Variants in ROBO2 observed in about 807,000 individuals in gnomAD.
ROBO2 encodes the protein roundabout guidance receptor 2.
A neutral mutation model predicts 160.8 loss-of-function variants in ROBO2; 53 were observed. The observed-to-expected ratio is 0.33, with a 90% CI of 0.26 to 0.41. ROBO2 has a LOEUF of 0.41. Ranked by LOEUF, ROBO2 falls within the 10% of genes least tolerant of loss-of-function variation. The pLI is 1.00. For synonymous variants in ROBO2, 664 were observed against 611.7 expected, an observed-to-expected ratio of 1.09 and a Z score of -1.26; for missense variants, 1,577 against 1,722.4, an observed-to-expected ratio of 0.92 and a Z score of 1.49.
At chr3:77,215,386 T>C (rs922690178) in intron 2 of ROBO2, among the ~76,000 whole-genome samples, 1 of 152,230 alleles carries the variant, frequency 6.6e-6, no homozygotes, top group African/African-American at 2.4e-5. Context: ...TACTGAGGCT[T>C]GTGCATTCAT....
At chr3:77,200,308 T>C (rs1374901926) in intron 2 of ROBO2, among the ~76,000 whole-genome samples, 2 of 87,890 alleles carry the variant, frequency 2.3e-5, no homozygotes, top group African/African-American at 1.1e-4. Flanking sequence ...TATATATATA[T>C]ATATATATAT....
At chr3:77,456,099 T>TTCATATG (rs1225317241) in intron 2 of ROBO2, among the ~76,000 whole-genome samples, 2 of 152,324 alleles carry the variant, frequency 1.3e-5, no homozygotes, top group East Asian at 3.9e-4. Context: ...TATTTAATAC[T>TTCATATG]GTAGTATGAA....
intron 2 of ROBO2, among the ~76,000 whole-genome samples, chr3:77,101,009 G>A (rs2071841709): frequency 6.6e-6 from 1 of 152,170 alleles, no homozygotes. Context: ...ATGAGGTTGA[G>A]AGCAGAGTAA....
In ROBO2 at chr3:77,520,735, G is replaced by A. The variant is rs192508327; in HGVS notation, c.807-2040G>A. On this transcript the variant is annotated intron_variant, in intron 5 of 25. Transcript: ENST00000461745. ...GAATTGGAAATGGCTGCAAAATACA[G>A]TATTTAAATGTTTCTATCTTACAGC... 1.3e-4 allele frequency among the ~76,000 whole-genome samples: 20 copies of A among 151,322 alleles called. No homozygotes were observed. In the East Asian group the frequency reaches 3.5e-3, roughly 27 times the overall value.
intron 2 of ROBO2, among the ~76,000 whole-genome samples, chr3:76,199,631 A>G (rs1156489582): frequency 6.6e-6 from 1 of 152,182 alleles, no homozygotes; most frequent in Non-Finnish European, 1.5e-5. Context: ...AAACTCTGCA[A>G]CAGCCAGTCC....
intron 2 of ROBO2, among the ~76,000 whole-genome samples, chr3:77,451,994 C>T (rs1337257223): frequency 6.6e-6 from 1 of 152,054 alleles, no homozygotes; most frequent in Non-Finnish European, 1.5e-5. Context: ...TGTTCAATTC[C>T]TACCTATGAG....
At chr3:76,764,377 TCTGA>T (rs1700672107) in intron 2 of ROBO2, among the ~76,000 whole-genome samples, 1 of 151,684 alleles carries the variant, frequency 6.6e-6, no homozygotes, top group African/African-American at 2.4e-5. Context: ...TGTATGCAGT[TCTGA>T]CTACTTTAAA....
At chr3:77,425,546 T>A (rs1218377504) in intron 2 of ROBO2, among the ~76,000 whole-genome samples, 1 of 152,010 alleles carries the variant, frequency 6.6e-6, no homozygotes, top group African/African-American at 2.4e-5. Flanking sequence ...TATGCAGTGG[T>A]ACTGCAGTGA....
chr3:77,633,380 GA>G (rs1337242310), intron 23 of ROBO2: 2 of 152,042 alleles, frequency 1.3e-5, no homozygotes, highest in Non-Finnish European at 2.9e-5. Context: ...AAGAATGTGG[GA>G]TTAATAATAG....
At chr3:76,795,103 A>T (rs2108773654) in intron 2 of ROBO2, among the ~76,000 whole-genome samples, 1 of 152,230 alleles carries the variant, frequency 6.6e-6, no homozygotes, top group Non-Finnish European at 1.5e-5. Flanking sequence ...AAATGTTAAT[A>T]TATTAATAAA....
chr3:76,801,187 T>C (rs1414452340), intron 2 of ROBO2, among the ~76,000 whole-genome samples: 2 of 152,164 alleles, frequency 1.3e-5, no homozygotes, highest in Non-Finnish European at 2.9e-5. Flanking sequence ...CTTATAACTG[T>C]AGGAGCTAAA....
chr3:77,587,147 G>A (rs531409245), intron 16 of ROBO2, among the ~76,000 whole-genome samples: 37 of 152,208 alleles, frequency 2.4e-4, no homozygotes, highest in African/African-American at 8.2e-4. Context: ...AGGGGTTTTG[G>A]ATCTTTCAAA....
chr3:77,486,254 C>G (rs1185738433), intron 4 of ROBO2, among the ~76,000 whole-genome samples: 3 of 152,030 alleles, frequency 2.0e-5, no homozygotes, highest in Admixed American at 6.6e-5. Flanking sequence ...GCATATCTAT[C>G]TATAATAGAA....
chr3:76,216,557 CAAAG>C (rs749117355), intron 2 of ROBO2, among the ~76,000 whole-genome samples: 3 of 152,070 alleles, frequency 2.0e-5, no homozygotes, highest in South Asian at 2.1e-4. Context: ...TCAAAAGAGA[CAAAG>C]AAGGCCATTA....
At chr3:76,024,951 A>ATG (rs2066691878) in intron 2 of ROBO2, among the ~76,000 whole-genome samples, 1 of 149,994 alleles carries the variant, frequency 6.7e-6, no homozygotes, top group African/African-American at 2.4e-5. Context: ...ATATATATAT[A>ATG]TTATATATAT....
chr3:77,006,468 G>T (rs548227318), intron 2 of ROBO2, among the ~76,000 whole-genome samples: 1 of 151,992 alleles, frequency 6.6e-6, no homozygotes, highest in East Asian at 1.9e-4. Context: ...CTTTTCAAAA[G>T]TTACTTTAGA....
chr3:76,050,969 C>G (rs1472592123), intron 2 of ROBO2, among the ~76,000 whole-genome samples: 1 of 152,130 alleles, frequency 6.6e-6, no homozygotes, highest in African/African-American at 2.4e-5. Context: ...ATGTGCAAAC[C>G]TTGGTGATAT....
chr3:77,021,748 G>A (rs1212048851), intron 2 of ROBO2, among the ~76,000 whole-genome samples: 2 of 152,128 alleles, frequency 1.3e-5, no homozygotes. Flanking sequence ...TGCTGTTATT[G>A]TGGGAGTGGA....
intron 2 of ROBO2, among the ~76,000 whole-genome samples, chr3:77,114,557 A>G (rs1431376540): frequency 6.6e-6 from 1 of 152,138 alleles, no homozygotes; most frequent in Non-Finnish European, 1.5e-5. Context: ...CCATGTCTAC[A>G]CAGTCCTCGT....
Sources: gnomAD v4.1 joint callset for allele counts (sites outside exome capture counted in the v4.1 genomes callset) on GRCh38, gnomAD v4.1.1 for gene constraint, MANE v1.5 for transcripts, NCBI Gene and HGNC (gene_info 2026-07-23, HGNC 2026-07-21) for gene names.